The following PTPRD variants were observed in gnomAD, a reference collection of about 807,000 sequenced individuals.
The protein encoded by PTPRD is protein tyrosine phosphatase receptor type D.
In PTPRD, 34 loss-of-function variants were observed where a neutral mutation model predicts 214.5. That is an observed-to-expected ratio of 0.16 (90% CI 0.12 to 0.21). The LOEUF is 0.21. Among genes scored for constraint, PTPRD ranks in the 10% least tolerant of loss-of-function variants. The pLI is 1.00. For synonymous variants in PTPRD, 1,128 were observed against 845.7 expected (o/e 1.33, Z -5.79); for missense variants, 2,545 against 2,398.7 (o/e 1.06, Z -1.27).
In PTPRD at chr9:10,129,202, T is replaced by C. The variant is rs1184355007; in HGVS notation, c.-544-95412A>G. The stretch of plus-strand genomic sequence containing the variant: ...GGTGATATTCATCTTGCTTTGTTTA[T>C]AGATAATTTTTGTTTTACTAGCCCG... On this transcript the variant is annotated intron_variant, in intron 3 of 45. Transcript: ENST00000381196. Among the ~76,000 whole-genome samples the C allele has an allele frequency of 3.9e-4, 59 of 152,298 alleles. 1 individual carries two copies. Among genetic ancestry groups the C allele is most frequent in the Admixed American group, 3.2e-3 (49 of 15,284 alleles).
chr9:9,085,383 G>C (rs1057485920), intron 10 of PTPRD, among the ~76,000 whole-genome samples: 1 of 152,140 alleles, frequency 6.6e-6, no homozygotes. Flanking sequence ...AAAATCTACA[G>C]CATGCAAATT....
intron 9 of PTPRD, among the ~76,000 whole-genome samples, chr9:9,218,287 G>A (rs953273141): frequency 2.6e-5 from 4 of 152,062 alleles, no homozygotes; most frequent in African/African-American, 9.7e-5. Flanking sequence ...CATAGATCCG[G>A]ATTAGATAGG....
chr9:10,187,210 C>A (rs1165511729), intron 3 of PTPRD, among the ~76,000 whole-genome samples: 2 of 152,068 alleles, frequency 1.3e-5, no homozygotes, highest in East Asian at 3.9e-4. Flanking sequence ...CTGTCTCTTA[C>A]AGCATGCAAC....
At chr9:9,376,913 C>CA (rs138618392) in intron 9 of PTPRD, among the ~76,000 whole-genome samples, 3,773 of 151,842 alleles carry the variant, frequency 0.025, 141 homozygotes, top group African/African-American at 0.085. Flanking sequence ...AAGAAAATTC[C>CA]AAAAAATTTG....
intron 3 of PTPRD, among the ~76,000 whole-genome samples, chr9:10,313,810 T>A (rs1359664382): frequency 6.6e-6 from 1 of 151,938 alleles, no homozygotes; most frequent in African/African-American, 2.4e-5. Flanking sequence ...AGGCCTTCCA[T>A]AATACCTTTC....
intron 5 of PTPRD, among the ~76,000 whole-genome samples, chr9:9,842,288 G>A (rs1304709372): frequency 6.9e-6 from 1 of 144,072 alleles, no homozygotes; most frequent in African/African-American, 2.5e-5. Flanking sequence ...AAAGTCTACT[G>A]AAGGAGAGCA....
At chr9:8,802,464 A>G (rs1250353672) in intron 11 of PTPRD, among the ~76,000 whole-genome samples, 1 of 152,200 alleles carries the variant, frequency 6.6e-6, no homozygotes, top group Non-Finnish European at 1.5e-5. Flanking sequence ...CCCTAAAGGC[A>G]AAGAAAGGAA....
At chr9:9,060,599 A>G (rs1298246423) in intron 10 of PTPRD, among the ~76,000 whole-genome samples, 1 of 152,144 alleles carries the variant, frequency 6.6e-6, no homozygotes, top group Non-Finnish European at 1.5e-5. Context: ...GATATTTTTC[A>G]CATATATAAT....
chr9:8,450,549 A>G (rs886214013), intron 33 of PTPRD, among the ~76,000 whole-genome samples: 1 of 152,226 alleles, frequency 6.6e-6, no homozygotes, highest in African/African-American at 2.4e-5. Context: ...CCTGGTGGGT[A>G]GATCAGCGCT....
chr9:9,027,341 C>T (rs2099590790), intron 10 of PTPRD, among the ~76,000 whole-genome samples: 1 of 151,832 alleles, frequency 6.6e-6, no homozygotes, highest in South Asian at 2.1e-4. Flanking sequence ...ATCCATTTGA[C>T]AATAGCTGTT....
intron 6 of PTPRD, among the ~76,000 whole-genome samples, chr9:9,737,301 G>C (rs1207256837): frequency 6.6e-6 from 1 of 152,008 alleles, no homozygotes; most frequent in African/African-American, 2.4e-5. Context: ...TTGATAGCTG[G>C]TAGAGATTTT....
intron 7 of PTPRD, among the ~76,000 whole-genome samples, chr9:9,727,405 G>A (rs532129813): frequency 2.0e-5 from 3 of 152,140 alleles, no homozygotes; most frequent in South Asian, 4.2e-4. Flanking sequence ...AGCCAAGATC[G>A]CACCACTGCA....
intron 44 of PTPRD, among the ~76,000 whole-genome samples, chr9:8,329,835 AGCCTCAGCAATGGCAGAT>A: frequency 6.6e-6 from 1 of 152,078 alleles, no homozygotes; most frequent in East Asian, 1.9e-4. Flanking sequence ...AGCCTACTCT[AGCCTCAGCAATGGCAGAT>A]GCCTCTCCCC....
At chr9:10,063,778 T>G (rs2097824477) in intron 3 of PTPRD, among the ~76,000 whole-genome samples, 2 of 151,976 alleles carry the variant, frequency 1.3e-5, no homozygotes, top group South Asian at 4.1e-4. Flanking sequence ...TACCAGCTAG[T>G]TCAGAGGTAA....
chr9:9,333,287 G>A (rs2043023270), intron 9 of PTPRD, among the ~76,000 whole-genome samples: 1 of 151,662 alleles, frequency 6.6e-6, no homozygotes. Flanking sequence ...CAGAAAGGCA[G>A]AAAGAAGGCA....
At chr9:10,068,456 T>G (rs2097924472) in intron 3 of PTPRD, among the ~76,000 whole-genome samples, 4 of 151,996 alleles carry the variant, frequency 2.6e-5, no homozygotes, top group Admixed American at 2.6e-4. Context: ...TCCTTTGGAT[T>G]GGTCTGCTAC....
At chr9:10,092,053 A>T (rs1312055515) in intron 3 of PTPRD, among the ~76,000 whole-genome samples, 1 of 151,326 alleles carries the variant, frequency 6.6e-6, no homozygotes, top group Non-Finnish European at 1.5e-5. Context: ...AAATGAAGGA[A>T]GTAATGATTA....
intron 3 of PTPRD, among the ~76,000 whole-genome samples, chr9:10,051,663 A>G (rs1282060238): frequency 6.7e-6 from 1 of 148,628 alleles, no homozygotes; most frequent in Non-Finnish European, 1.5e-5. Flanking sequence ...ATGTGTTCTC[A>G]TTGTTCAATT....
chr9:9,676,171 A>G (rs1375289835), intron 7 of PTPRD, among the ~76,000 whole-genome samples: 3 of 152,090 alleles, frequency 2.0e-5, no homozygotes, highest in Non-Finnish European at 4.4e-5. Flanking sequence ...ACATGTGCAC[A>G]ACGTGCAGGT....
Sources: allele counts gnomAD v4.1 joint callset (sites outside exome capture counted in the v4.1 genomes callset), GRCh38; gene constraint gnomAD v4.1.1; transcripts MANE v1.5; gene names NCBI Gene and HGNC (gene_info 2026-07-23, HGNC 2026-07-21).